The following MACF1 variants were observed in gnomAD, a reference collection of about 807,000 sequenced individuals.
The protein encoded by MACF1 is microtubule actin crosslinking factor 1, also known as microtubule-actin cross-linking factor 1.
Under a neutral mutation model 854.8 loss-of-function variants are expected in MACF1, and 193 were observed. That is an observed-to-expected ratio of 0.23 (90% confidence interval 0.20 to 0.25). MACF1 has a LOEUF of 0.25. Ranked by LOEUF, MACF1 falls within the 10% of genes least tolerant of loss-of-function variation. The pLI is 1.00. For synonymous variants in MACF1, 3,185 were observed against 3,226.7 expected, an observed-to-expected ratio of 0.99 and a Z score of 0.44; for missense variants, 7,722 against 8,929.1, an observed-to-expected ratio of 0.86 and a Z score of 5.45.
upstream of MACF1, among the ~76,000 whole-genome samples, chr1:39,200,359 T>A (rs1289783239): frequency 6.6e-6 from 1 of 152,144 alleles, no homozygotes; most frequent in Non-Finnish European, 1.5e-5. Context: ...TGATCTCTTC[T>A]CTATGTTTAC....
chr1:39,357,943 C>T, intron 45 of MACF1, 50 bp downstream of exon 45: 1 of 1,550,212 alleles, frequency 6.5e-7, no homozygotes, highest in Non-Finnish European at 8.7e-7. Flanking sequence ...TGGCAGCCTT[C>T]ACACAATGTA....
At chr1:39,148,489 A>C (rs1261927196) in intron 2 of MACF1, among the ~76,000 whole-genome samples, 4 of 152,236 alleles carry the variant, frequency 2.6e-5, no homozygotes, top group South Asian at 2.1e-4. Flanking sequence ...TAACTGCTGT[A>C]AATATTTTGA....
rs193034053 is a variant in MACF1 at position 39,422,327 on chromosome 1, G to C, written c.15817-47G>C. Reference sequence around the variant, plus strand: ...AACCAGTCTCTGCGTGGTATAGAGAGTCTAATAGCCTTTGTATTAAATCTT... The same window carrying C: ...AACCAGTCTCTGCGTGGTATAGAGACTCTAATAGCCTTTGTATTAAATCTT... On this transcript the variant is annotated intron_variant, in intron 58 of 100. Transcript: ENST00000564288. The C allele has an allele frequency of 3.2e-5, 49 of 1,534,438 alleles. No homozygotes were observed. In the African/African-American group the frequency reaches 4.4e-4, roughly 14 times the overall value.
At chr1:39,469,738 C>G in intron 97 of MACF1, 123 bp downstream of exon 97, 1 of 734,384 alleles carries the variant, frequency 1.4e-6, no homozygotes, top group Non-Finnish European at 2.4e-6. Context: ...TTGAAATGGC[C>G]AAACCATAGC....
intron 70 of MACF1, chr1:39,436,626 G>A: frequency 1.2e-6 from 1 of 810,734 alleles, no homozygotes; most frequent in Non-Finnish European, 2.1e-6. Flanking sequence ...GTTTCATTTG[G>A]GGTGGAACCT....
chr1:39,213,143 A>G (rs928200745), intron 1 of MACF1, among the ~76,000 whole-genome samples: 8 of 152,206 alleles, frequency 5.3e-5, no homozygotes, highest in Admixed American at 3.9e-4. Context: ...TAAAATGGAA[A>G]TGATAATATC....
At chr1:39,412,362 A>G (rs577750358) in intron 58 of MACF1, 2 of 1,614,096 alleles carry the variant, frequency 1.2e-6, no homozygotes, top group African/African-American at 1.3e-5. Flanking sequence ...ACAGTCTGAC[A>G]TCAATGGGAA....
intron 2 of MACF1, among the ~76,000 whole-genome samples, chr1:39,144,821 T>TGG (rs965973499): frequency 2.0e-4 from 31 of 152,244 alleles, no homozygotes; most frequent in African/African-American, 7.0e-4. Context: ...CTAAGTTTTT[T>TGG]GGGGGAGGGT....
chr1:39,451,175 C>G lies in MACF1; in HGVS notation c.20382C>G (p.Asp6794Glu). Residue 6794 changes from aspartate to glutamate, a missense_variant, in exon 85 of 101, where the codon GAC (aspartate) becomes GAG (glutamate). Physicochemically the swap from Asp to Glu is conservative, Grantham distance 45 (BLOSUM62 2). Coordinates refer to ENST00000564288, the MANE Select transcript of MACF1 (RefSeq NM_001394062.1). Reference sequence around the variant, plus strand: ...CTGAGGACCAGCCCGTGCACGGGGACCTTGACCTCGTCATGAACCTCATGG... The same window carrying G: ...CTGAGGACCAGCCCGTGCACGGGGAGCTTGACCTCGTCATGAACCTCATGG... Reference protein sequence around the residue: ...QLAEDQPVHGDLDLVMNLMDA... With the variant: ...QLAEDQPVHGELDLVMNLMDA... The G allele has an allele frequency of 6.2e-7, 1 of 1,614,050 alleles. No homozygotes were observed. The highest frequency in any genetic ancestry group is 1.1e-5 in the South Asian group (1 of 91,078).
chr1:39,324,353 G>C lies in MACF1; in HGVS notation c.4389+8G>C, dbSNP rs1192457009. The C allele has an allele frequency of 1.9e-6, 3 of 1,612,986 alleles. No individual in the cohort carries two copies. The highest frequency in any genetic ancestry group is 2.7e-5 in the African/African-American group (2 of 74,834). On this transcript the variant is annotated splice_region_variant and intron_variant, in intron 34 of 100. Transcript: ENST00000564288. ...GCTATTTTGGAACAGCAGGTGAGAAGAAGGTCCATCTCTGTTTACCTGGGT... is the reference window on the plus strand; with the variant it reads ...GCTATTTTGGAACAGCAGGTGAGAACAAGGTCCATCTCTGTTTACCTGGGT...
At chr1:39,239,049 AG>A (rs1221669664) in intron 2 of MACF1, among the ~76,000 whole-genome samples, 1 of 152,138 alleles carries the variant, frequency 6.6e-6, no homozygotes, top group African/African-American at 2.4e-5. Context: ...TGGGAGACCG[AG>A]GGGGTGGATC....
Position 39,084,290 on chromosome 1 carries a change from A to AGTGAGCGG in MACF1, c.72_73insGTGAGCGG (p.Ser25ValfsTer71). ...GTGAGCGGTCTTGTCGGAGTGAGCG[A>AGTGAGCGG]TCTTACAGGAGCGAGCGGTCGGGGA... On this transcript the variant is annotated frameshift_variant, in exon 2 of 94. Coordinates refer to the MACF1 transcript ENST00000361689. LOFTEE classifies it high-confidence loss of function. This position sits in a 1 kb window ranked among gnomAD's most constrained non-coding sequence, Gnocchi z 5.2. 2 of 1,612,954 alleles carry AGTGAGCGG rather than the reference A, an allele frequency of 1.2e-6. No individual in the cohort carries two copies. Among genetic ancestry groups the AGTGAGCGG allele is most frequent in the Non-Finnish European group, 1.7e-6 (2 of 1,179,526 alleles).
At chr1:39,456,582 C>G (rs1557664761) in intron 89 of MACF1, 1 of 152,186 alleles carries the variant, frequency 6.6e-6, no homozygotes, top group Non-Finnish European at 1.5e-5. Context: ...AGCACCTGTC[C>G]TTCCTGTGGG....
Position 39,485,675 on chromosome 1 carries a change from A to T in MACF1, c.22549A>T (p.Ser7517Cys). 1 of 1,614,132 alleles carries T rather than the reference A, an allele frequency of 6.2e-7. No homozygotes were observed. The highest frequency in any genetic ancestry group is 8.5e-7 in the Non-Finnish European group (1 of 1,180,006). ...GTCTGCTTGTTCCGACACTTCAGAA[A>T]GCAGCGCTGCAGGGGGCCAAGGCAA... ...TQSACSDTSE[S>C]SAAGGQGNSR... Residue 7517 changes from serine to cysteine, a missense_variant, in exon 101 of 101, where the codon AGC (serine) becomes TGC (cysteine). Physicochemically the swap from Ser to Cys is moderately radical, Grantham distance 112 (BLOSUM62 -1). Transcript: ENST00000564288.
At chr1:39,196,050 C>T (rs1644315574) in intron 2 of MACF1, among the ~76,000 whole-genome samples, 1 of 152,100 alleles carries the variant, frequency 6.6e-6, no homozygotes. Context: ...GTATTGAGCA[C>T]CTGAAACACA....
At chr1:39,336,819 T>C (rs1412261031) in intron 37 of MACF1, among the ~76,000 whole-genome samples, 166 bp downstream of exon 37, 2 of 152,246 alleles carry the variant, frequency 1.3e-5, no homozygotes, top group Non-Finnish European at 2.9e-5. Flanking sequence ...CATCTGTTTG[T>C]AGCAAAGTTG....
chr1:39,260,367 CT>C (rs772459109), intron 6 of MACF1: 491 of 139,756 alleles, frequency 3.5e-3, no homozygotes, highest in Middle Eastern at 0.011. Context: ...TTTTTCTTTT[CT>C]TTTTTTTTTT....
intron 42 of MACF1, 34 bp downstream of exon 42, chr1:39,349,661 C>G (rs1458119892): frequency 6.2e-6 from 10 of 1,608,874 alleles, no homozygotes; most frequent in South Asian, 1.1e-5. Flanking sequence ...GACACAAAGT[C>G]TCGCTCTATC....
At chr1:39,168,500 T>G (rs1027508137) in intron 2 of MACF1, among the ~76,000 whole-genome samples, 1 of 152,146 alleles carries the variant, frequency 6.6e-6, no homozygotes, top group Non-Finnish European at 1.5e-5. Flanking sequence ...TTTTTGTGTG[T>G]GTGCGTGTGT....
Sources: gnomAD v4.1 joint callset for allele counts (sites outside exome capture counted in the v4.1 genomes callset) on GRCh38, gnomAD v4.1.1 for gene constraint, Gnocchi (gnomAD v3.1) non-coding constraint, MANE v1.5 for transcripts, NCBI Gene and HGNC (gene_info 2026-07-23, HGNC 2026-07-21) for gene names.